Variants in TAFA2 observed in about 807,000 individuals in gnomAD.
TAFA2 encodes TAFA chemokine like family member 2, also known as chemokine-like protein TAFA-2.
In TAFA2, 7 loss-of-function variants were observed where a neutral mutation model predicts 18.8. The observed-to-expected ratio is 0.37, with a 90% CI of 0.21 to 0.70. The LOEUF is 0.70. Ranked by LOEUF, TAFA2 falls within the 30% of genes least tolerant of loss-of-function variation. TAFA2 has a pLI of 0.53. For synonymous variants in TAFA2, 60 were observed against 54.2 expected (o/e 1.11, Z -0.47); for missense variants, 122 against 158.1 (o/e 0.77, Z 1.23).
chr12:61,814,924 C>A (rs183263555), intron 2 of TAFA2, among the ~76,000 whole-genome samples: 1 of 151,502 alleles, frequency 6.6e-6, no homozygotes. Flanking sequence ...TCCCTAGAGC[C>A]TCCAGAAGGA....
rs1869244554 is a variant in TAFA2, at chr12:61,708,461, T to A, written c.*1945A>T. The A allele has an allele frequency of 6.6e-6, 1 of 152,146 alleles. No homozygotes were observed. Among genetic ancestry groups the A allele is most frequent in the Non-Finnish European group, 1.5e-5 (1 of 67,986 alleles). The allele number at this position is 152,146 out of a possible 1,614,324, so 9.4% of individuals were successfully genotyped here. A position where few individuals can be genotyped will look rare whatever the true frequency, so the allele number is the denominator to read the frequency against. On this transcript the variant is annotated 3_prime_UTR_variant, in exon 5 of 5. Transcript: ENST00000416284. ...ATAGTTTAAAAAATGAGAAGCATGA[T>A]GTATAATTTCAAATCTCAAACAAAC...
At chr12:61,935,955 AACT>A (rs1390697769) in intron 1 of TAFA2, among the ~76,000 whole-genome samples, 1 of 152,134 alleles carries the variant, frequency 6.6e-6, no homozygotes, top group Non-Finnish European at 1.5e-5. Context: ...ATCCTACTGA[AACT>A]ATCCTAAAAG....
At chr12:61,993,634 C>A (rs1313346359) in intron 1 of TAFA2, among the ~76,000 whole-genome samples, 3 of 152,132 alleles carry the variant, frequency 2.0e-5, no homozygotes, top group Non-Finnish European at 4.4e-5. Context: ...AGAGTAGATG[C>A]CCATTTGCTC....
chr12:61,951,891 TA>T (rs5798623), intron 1 of TAFA2, among the ~76,000 whole-genome samples: 6 of 149,004 alleles, frequency 4.0e-5, no homozygotes, highest in East Asian at 2.0e-4. Flanking sequence ...TTCACTTAAT[TA>T]AAAAAAAAAG....
At chr12:61,848,569 T>C (rs1873502504) in intron 2 of TAFA2, among the ~76,000 whole-genome samples, 1 of 151,908 alleles carries the variant, frequency 6.6e-6, no homozygotes, top group Non-Finnish European at 1.5e-5. Flanking sequence ...CTGAATGAAC[T>C]ATTCCCCATC....
At chr12:61,887,478 C>T (rs1875434857) in intron 1 of TAFA2, among the ~76,000 whole-genome samples, 1 of 151,430 alleles carries the variant, frequency 6.6e-6, no homozygotes, top group South Asian at 2.1e-4. Flanking sequence ...TACATGTGCA[C>T]ATTGTGCAGG....
At chr12:61,735,293 T>C (rs987170699) in intron 4 of TAFA2, among the ~76,000 whole-genome samples, 1 of 152,070 alleles carries the variant, frequency 6.6e-6, no homozygotes, top group Non-Finnish European at 1.5e-5. Context: ...TTAATTCTTA[T>C]AGTTTGGATG....
intron 1 of TAFA2, among the ~76,000 whole-genome samples, chr12:62,072,426 G>A (rs896503422): frequency 1.3e-5 from 2 of 151,062 alleles, no homozygotes; most frequent in Non-Finnish European, 2.9e-5. Flanking sequence ...CCAAGATCGC[G>A]CCACTGCACT....
chr12:61,736,812 C>T (rs1027363366), intron 4 of TAFA2, among the ~76,000 whole-genome samples: 1 of 151,984 alleles, frequency 6.6e-6, no homozygotes, highest in African/African-American at 2.4e-5. Flanking sequence ...GAATGACTCT[C>T]TAATGCAAGA....
intron 1 of TAFA2, among the ~76,000 whole-genome samples, chr12:61,989,278 G>A (rs1031291842): frequency 6.6e-6 from 1 of 152,066 alleles, no homozygotes; most frequent in East Asian, 1.9e-4. Flanking sequence ...CCATAGAAGA[G>A]AAGGACAATA....
intron 2 of TAFA2, among the ~76,000 whole-genome samples, chr12:61,802,460 C>A (rs1871438099): frequency 6.6e-6 from 1 of 151,954 alleles, no homozygotes; most frequent in South Asian, 2.1e-4. Flanking sequence ...TTCACAGGCA[C>A]ATGGATGAGC....
chr12:61,992,078 T>C (rs577639392), intron 1 of TAFA2, among the ~76,000 whole-genome samples: 1 of 152,262 alleles, frequency 6.6e-6, no homozygotes, highest in Non-Finnish European at 1.5e-5. Context: ...ACCCCCTAGC[T>C]CATCTCCTCT....
intron 1 of TAFA2, among the ~76,000 whole-genome samples, chr12:61,871,630 C>A (rs1405931238): frequency 6.6e-6 from 1 of 152,150 alleles, no homozygotes; most frequent in African/African-American, 2.4e-5. Context: ...GAAATGGTAA[C>A]CCTGGCAGTG....
chr12:62,237,555 C>T (rs2136987790), intron 1 of TAFA2, among the ~76,000 whole-genome samples: 1 of 152,196 alleles, frequency 6.6e-6, no homozygotes, highest in East Asian at 1.9e-4. Flanking sequence ...TTGCTTTGTC[C>T]ATTTGGAGAT....
chr12:62,060,877 C>T (rs980429737), intron 1 of TAFA2, among the ~76,000 whole-genome samples: 1 of 151,910 alleles, frequency 6.6e-6, no homozygotes, highest in Non-Finnish European at 1.5e-5. Context: ...GAATTAAGAA[C>T]ATCCCATGTA....
chr12:61,928,403 A>T (rs527814554), intron 1 of TAFA2, among the ~76,000 whole-genome samples: 2 of 151,936 alleles, frequency 1.3e-5, no homozygotes, highest in African/African-American at 4.9e-5. Context: ...TGGCCAAAAA[A>T]TGTATGATAA....
chr12:61,976,954 T>C (rs1275706641), intron 1 of TAFA2, among the ~76,000 whole-genome samples: 1 of 152,056 alleles, frequency 6.6e-6, no homozygotes, highest in East Asian at 1.9e-4. Context: ...TCCAAGTCTT[T>C]GCTATTGTGA....
At chr12:62,171,837 T>C (rs1023011785) in intron 1 of TAFA2, among the ~76,000 whole-genome samples, 4 of 152,322 alleles carry the variant, frequency 2.6e-5, no homozygotes, top group Non-Finnish European at 4.4e-5. Context: ...GACAAAAATT[T>C]CACAGAGTAC....
At chr12:62,125,882 A>G (rs1313895816) in intron 1 of TAFA2, among the ~76,000 whole-genome samples, 1 of 152,082 alleles carries the variant, frequency 6.6e-6, no homozygotes, top group Admixed American at 6.6e-5. Context: ...TACTACTCAT[A>G]GGGTTGTTTA....
Sources: gnomAD v4.1 joint callset for allele counts (sites outside exome capture counted in the v4.1 genomes callset) on GRCh38, gnomAD v4.1.1 for gene constraint, MANE v1.5 for transcripts, NCBI Gene and HGNC (gene_info 2026-07-23, HGNC 2026-07-21) for gene names.